GRM7: variants seen among roughly 807,000 people sequenced by gnomAD.
GRM7 encodes the protein glutamate metabotropic receptor 7.
In GRM7, 35 loss-of-function variants were observed where a neutral mutation model predicts 84.5. The ratio of observed to expected loss-of-function variants is 0.41; its 90% CI spans 0.32 to 0.55. The LOEUF is 0.55. GRM7 is among the 20% of genes least tolerant of loss of function. The pLI is 0.19. For synonymous variants in GRM7, 487 were observed against 455.1 expected (o/e 1.07, Z -0.89); for missense variants, 1,003 against 1,194.6 (o/e 0.84, Z 2.36).
At chr3:7,659,645 A>G (rs1241582686) in intron 8 of GRM7, among the ~76,000 whole-genome samples, 1 of 152,202 alleles carries the variant, frequency 6.6e-6, no homozygotes, top group Non-Finnish European at 1.5e-5. Flanking sequence ...GTTTTGTTTA[A>G]TGTTGATTGA....
chr3:6,873,015 C>T (rs998976547), intron 1 of GRM7, among the ~76,000 whole-genome samples: 3 of 152,144 alleles, frequency 2.0e-5, no homozygotes, highest in Non-Finnish European at 4.4e-5. Flanking sequence ...ATTTCTGGTT[C>T]TAGATCCCTG....
chr3:7,420,211 A>G (rs569346123), intron 5 of GRM7, among the ~76,000 whole-genome samples: 1 of 152,316 alleles, frequency 6.6e-6, no homozygotes, highest in Non-Finnish European at 1.5e-5. Flanking sequence ...CTGTCAAGAC[A>G]AAGGAATTAC....
chr3:7,345,352 G>A (rs1692843117), intron 4 of GRM7, among the ~76,000 whole-genome samples: 1 of 150,870 alleles, frequency 6.6e-6, no homozygotes, highest in Non-Finnish European at 1.5e-5. Context: ...TCGGCTCACT[G>A]CAACCTCCAC....
chr3:6,954,674 T>G (rs1692950782), intron 1 of GRM7, among the ~76,000 whole-genome samples: 1 of 152,380 alleles, frequency 6.6e-6, no homozygotes, highest in Non-Finnish European at 1.5e-5. Flanking sequence ...GTCTATTACT[T>G]ACTATCTGTG....
intron 5 of GRM7, among the ~76,000 whole-genome samples, chr3:7,424,229 G>A (rs1203122038): frequency 6.6e-6 from 1 of 151,934 alleles, no homozygotes; most frequent in East Asian, 1.9e-4. Context: ...AACCGGTTTA[G>A]GTGCCATTGT....
chr3:6,999,422 T>G (rs1304584342), intron 1 of GRM7, among the ~76,000 whole-genome samples: 1 of 152,170 alleles, frequency 6.6e-6, no homozygotes, highest in East Asian at 1.9e-4. Flanking sequence ...CTTTCCATTT[T>G]CCTGTCTTCT....
Position 7,264,008 on chromosome 3 carries a change from G to A in GRM7, c.737-34676G>A, listed in dbSNP as rs576421271. Among the ~76,000 whole-genome samples, 24 of 152,224 alleles carry A rather than the reference G, an allele frequency of 1.6e-4. No individual in the cohort carries two copies. In the South Asian group the frequency reaches 4.3e-3, roughly 28 times the overall value. On this transcript the variant is annotated intron_variant, in intron 2 of 9. Coordinates refer to ENST00000357716, the MANE Select transcript of GRM7 (RefSeq NM_000844.4). ...TTGTGGGGAGGGCGCAGGCAGGCTG[G>A]TGTGTCTGTAGGGGCTGCTCTACTG... is the stretch of plus-strand genomic sequence containing the variant.
intron 4 of GRM7, among the ~76,000 whole-genome samples, chr3:7,330,343 G>T (rs1273046157): frequency 6.6e-6 from 1 of 152,108 alleles, no homozygotes; most frequent in African/African-American, 2.4e-5. Context: ...ACCCATTTCT[G>T]TGTTGATTTA....
intron 4 of GRM7, among the ~76,000 whole-genome samples, chr3:7,311,593 A>G (rs1484793583): frequency 8.1e-6 from 1 of 123,034 alleles, no homozygotes; most frequent in Non-Finnish European, 1.6e-5. Flanking sequence ...TTGTGTTTCA[A>G]TACATTTTTT....
intron 8 of GRM7, among the ~76,000 whole-genome samples, chr3:7,668,803 G>A (rs1699809139): frequency 6.6e-6 from 1 of 152,232 alleles, no homozygotes; most frequent in African/African-American, 2.4e-5. Context: ...TCTCAAATGA[G>A]TGAGGACCAC....
At chr3:7,374,375 C>T (rs1355123919) in intron 4 of GRM7, among the ~76,000 whole-genome samples, 5 of 152,048 alleles carry the variant, frequency 3.3e-5, no homozygotes, top group East Asian at 1.9e-4. Context: ...GGCCACACCT[C>T]GCTTTGTTGC....
At position 7,352,327 on chromosome 3, in the gene GRM7, G is replaced by C. The variant is rs537654089; in HGVS notation, c.1033+45675G>C. Among the ~76,000 whole-genome samples the C allele has an allele frequency of 3.0e-4, 45 of 152,010 alleles. 1 individual carries two copies. In the South Asian group the frequency reaches 9.2e-3, roughly 31 times the overall value. The stretch of plus-strand genomic sequence containing the variant: ...CAAGGAGTTCAGTGACTCTATACAT[G>C]GCATTTTTAAACATTTGTGGAAAAC... On this transcript the variant is annotated intron_variant, in intron 4 of 9. Coordinates refer to ENST00000357716, the MANE Select transcript of GRM7 (RefSeq NM_000844.4).
At chr3:7,548,377 C>A (rs1218555323) in intron 7 of GRM7, among the ~76,000 whole-genome samples, 2 of 152,196 alleles carry the variant, frequency 1.3e-5, no homozygotes, top group Non-Finnish European at 2.9e-5. Context: ...GAGGCCTTCA[C>A]CAGAAGCCAA....
chr3:7,567,761 A>C (rs1694384700), intron 7 of GRM7, among the ~76,000 whole-genome samples: 1 of 63,690 alleles, frequency 1.6e-5, no homozygotes. Context: ...AAAAAAAAAA[A>C]AAAAAAAAAA....
chr3:7,090,503 C>A (rs763940352), intron 1 of GRM7, among the ~76,000 whole-genome samples: 3 of 152,180 alleles, frequency 2.0e-5, no homozygotes, highest in African/African-American at 2.4e-5. Context: ...AGGCCTCCAA[C>A]CCCCTTCCCA....
Position 7,188,417 on chromosome 3 carries a change from T to C in GRM7, c.736+41749T>C, listed in dbSNP as rs1440105972. Among the ~76,000 whole-genome samples the C allele has an allele frequency of 6.6e-6, 1 of 152,212 alleles. No individual in the cohort carries two copies. Among genetic ancestry groups the C allele is most frequent in the Non-Finnish European group, 1.5e-5 (1 of 68,044 alleles). On this transcript the variant is annotated intron_variant, in intron 2 of 9. Coordinates refer to ENST00000357716, the MANE Select transcript of GRM7 (RefSeq NM_000844.4). This position sits in a 1 kb window ranked among gnomAD's most constrained non-coding sequence, Gnocchi z 4.2. Reference sequence around the variant, plus strand: ...TAATCTGCATGGCATATCCAGCTCATATCTTGTTTTTCTATGGTGCTCCAG... The same window carrying C: ...TAATCTGCATGGCATATCCAGCTCACATCTTGTTTTTCTATGGTGCTCCAG...
chr3:6,903,676 G>C (rs926916927), intron 1 of GRM7, among the ~76,000 whole-genome samples: 1 of 152,104 alleles, frequency 6.6e-6, no homozygotes, highest in African/African-American at 2.4e-5. Context: ...GAATGGCTAA[G>C]GTAGAAGTTG....
At chr3:7,349,210 G>A (rs1045977921) in intron 4 of GRM7, among the ~76,000 whole-genome samples, 3 of 151,838 alleles carry the variant, frequency 2.0e-5, no homozygotes, top group Non-Finnish European at 4.4e-5. Flanking sequence ...TTCCCTCCTC[G>A]TTGTAGTTTG....
At chr3:7,259,921 A>T in intron 2 of GRM7, among the ~76,000 whole-genome samples, 1 of 135,704 alleles carries the variant, frequency 7.4e-6, no homozygotes, top group East Asian at 2.1e-4. Context: ...GTGTATAAGC[A>T]TTCCCTTTTC....
Sources: gnomAD v4.1 joint callset for allele counts (sites outside exome capture counted in the v4.1 genomes callset) on GRCh38, gnomAD v4.1.1 for gene constraint, Gnocchi (gnomAD v3.1) non-coding constraint, MANE v1.5 for transcripts, NCBI Gene and HGNC (gene_info 2026-07-23, HGNC 2026-07-21) for gene names.